Variants in ADAMTS17 observed in about 807,000 individuals in gnomAD.
ADAMTS17 encodes the protein A disintegrin and metalloproteinase with thrombospondin motifs 17.
A neutral mutation model predicts 141.5 loss-of-function variants in ADAMTS17; 113 were observed. The observed-to-expected ratio is 0.80, with a 90% CI of 0.69 to 0.93. The LOEUF (loss-of-function observed/expected upper bound fraction) is 0.93. ADAMTS17 is among the 40% of genes least tolerant of loss of function. The pLI is 0.00. For missense variants in ADAMTS17, 1,659 were observed against 1,517.9 expected (o/e 1.09, Z -1.54); for synonymous variants, 768 against 630.6 (o/e 1.22, Z -3.27).
chr15:100,207,478 C>A (rs79790072), intron 7 of ADAMTS17, among the ~76,000 whole-genome samples: 2 of 152,248 alleles, frequency 1.3e-5, no homozygotes, highest in East Asian at 3.9e-4. Context: ...ACGAGCATGG[C>A]GGCCACCGGA....
chr15:100,051,289 C>A (rs1323211803), intron 17 of ADAMTS17, among the ~76,000 whole-genome samples: 1 of 152,164 alleles, frequency 6.6e-6, no homozygotes, highest in African/African-American at 2.4e-5. Flanking sequence ...ACCTGTCACA[C>A]CCGAGATGTA....
At chr15:100,072,565 A>G (rs1028187364) in intron 15 of ADAMTS17, among the ~76,000 whole-genome samples, 4 of 152,164 alleles carry the variant, frequency 2.6e-5, no homozygotes, top group African/African-American at 7.2e-5. Flanking sequence ...AGAGCTATAG[A>G]CCAATGGAAT....
At chr15:100,177,185 C>T (rs950406210) in intron 8 of ADAMTS17, among the ~76,000 whole-genome samples, 8 of 152,328 alleles carry the variant, frequency 5.3e-5, no homozygotes, top group African/African-American at 1.4e-4. Flanking sequence ...TTTTCCAGAG[C>T]GGCTGTACCA....
chr15:100,059,416 C>T lies in ADAMTS17; in HGVS notation c.2138-5362G>A, dbSNP rs539523651. Among the ~76,000 whole-genome samples, 6 of 152,000 alleles carry T rather than the reference C, an allele frequency of 3.9e-5. No individual in the cohort carries two copies. The South Asian group carries it at 1.2e-3, about 32-fold the overall frequency. On this transcript the variant is annotated intron_variant, in intron 15 of 21. Transcript: ENST00000268070. The stretch of plus-strand genomic sequence containing the variant: ...TCTCCCGGGGAGAGGAAAACACAGG[C>T]AGAGTTATTAGCAGGAGGTCAGCAG...
intron 18 of ADAMTS17, among the ~76,000 whole-genome samples, chr15:100,016,139 AG>A (rs1239948259): frequency 2.0e-5 from 3 of 152,320 alleles, no homozygotes; most frequent in African/African-American, 7.2e-5. Flanking sequence ...TTCTTCTACT[AG>A]TTCAATCCTA....
At chr15:100,047,369 CA>C (rs2031788584) in intron 18 of ADAMTS17, among the ~76,000 whole-genome samples, 1 of 132,130 alleles carries the variant, frequency 7.6e-6, no homozygotes, top group Non-Finnish European at 1.6e-5. Flanking sequence ...CTGTGACCCA[CA>C]CCCTATTCAC....
chr15:100,198,443 T>G (rs2141629261), intron 8 of ADAMTS17, among the ~76,000 whole-genome samples: 1 of 152,330 alleles, frequency 6.6e-6, no homozygotes, highest in East Asian at 1.9e-4. Context: ...TGTAGGTCAT[T>G]AGGAAACCTT....
chr15:100,073,361 C>G (rs1204456632), intron 15 of ADAMTS17, among the ~76,000 whole-genome samples: 1 of 152,178 alleles, frequency 6.6e-6, no homozygotes, highest in African/African-American at 2.4e-5. Flanking sequence ...GTGGCGATTC[C>G]TCAGAGATCT....
At chr15:100,207,961 G>A (rs1430380132) in intron 7 of ADAMTS17, among the ~76,000 whole-genome samples, 2 of 152,188 alleles carry the variant, frequency 1.3e-5, no homozygotes, top group African/African-American at 4.8e-5. Context: ...GGAGGAGTCA[G>A]TTTTAAAAGA....
At chr15:100,338,908 C>A in intron 2 of ADAMTS17, 1 of 981,394 alleles carries the variant, frequency 1.0e-6, no homozygotes, top group African/African-American at 1.7e-5. Flanking sequence ...CTGTTGCTTT[C>A]TTTTCTTTAC....
chr15:100,254,684 G>C (rs2043265743), intron 6 of ADAMTS17, among the ~76,000 whole-genome samples: 1 of 152,202 alleles, frequency 6.6e-6, no homozygotes, highest in African/African-American at 2.4e-5. Flanking sequence ...ATGAGATCAT[G>C]TTCTTTGCAG....
At chr15:99,976,623 A>C in intron 20 of ADAMTS17, 1 of 346,540 alleles carries the variant, frequency 2.9e-6, no homozygotes, top group Non-Finnish European at 5.6e-6. Flanking sequence ...GTAGGGTTAG[A>C]TGTCATGAGG....
chr15:100,117,738 G>T (rs2037227290), intron 12 of ADAMTS17, among the ~76,000 whole-genome samples: 1 of 152,126 alleles, frequency 6.6e-6, no homozygotes, highest in South Asian at 2.1e-4. Context: ...AAGGCCCCAG[G>T]GTGTCCTTGA....
intron 3 of ADAMTS17, among the ~76,000 whole-genome samples, chr15:100,297,475 G>A (rs930659041): frequency 6.6e-6 from 1 of 152,280 alleles, no homozygotes; most frequent in Non-Finnish European, 1.5e-5. Flanking sequence ...GGCAACTGCA[G>A]GTGGGAAGAA....
chr15:100,221,390 G>A (rs767177745), intron 7 of ADAMTS17, among the ~76,000 whole-genome samples: 1 of 151,836 alleles, frequency 6.6e-6, no homozygotes, highest in Non-Finnish European at 1.5e-5. Flanking sequence ...CTACAGTAGT[G>A]GACAGCTCAT....
At chr15:99,999,555 G>T (rs1448444714) in intron 18 of ADAMTS17, among the ~76,000 whole-genome samples, 1 of 152,112 alleles carries the variant, frequency 6.6e-6, no homozygotes, top group Non-Finnish European at 1.5e-5. Context: ...GGAGAGCGAG[G>T]GGAAAGGATG....
intron 8 of ADAMTS17, among the ~76,000 whole-genome samples, chr15:100,187,517 A>G (rs2040762038): frequency 1.3e-5 from 2 of 152,226 alleles, no homozygotes; most frequent in South Asian, 4.1e-4. Context: ...TGTTGCAGCA[A>G]GAAGTGATCT....
In ADAMTS17 at chr15:100,053,097, G is replaced by C. The variant is rs145934493; in HGVS notation, c.2295+800C>G. ...GACTCTGGCAGGCACTGTGGACAAA[G>C]CGTGTTTTGATTACAGGGGCACAAG... is the stretch of plus-strand genomic sequence containing the variant. On this transcript the variant is annotated intron_variant, in intron 16 of 21. Coordinates refer to ENST00000268070, the MANE Select transcript of ADAMTS17 (RefSeq NM_139057.4). Among the ~76,000 whole-genome samples the C allele has an allele frequency of 2.1e-3, 316 of 152,326 alleles. 1 individual carries two copies. Among genetic ancestry groups the C allele is most frequent in the African/African-American group, 6.7e-3 (277 of 41,576 alleles).
intron 18 of ADAMTS17, among the ~76,000 whole-genome samples, chr15:100,025,957 ATATAAAT>A (rs1412954585): frequency 2.0e-5 from 3 of 152,336 alleles, no homozygotes; most frequent in South Asian, 4.1e-4. Context: ...ACATAAAAGT[ATATAAAT>A]TATAAGTATA....
Sources: gnomAD v4.1 joint callset for allele counts (sites outside exome capture counted in the v4.1 genomes callset) on GRCh38, gnomAD v4.1.1 for gene constraint, MANE v1.5 for transcripts, NCBI Gene and HGNC (gene_info 2026-07-23, HGNC 2026-07-21) for gene names.